SLC24A4: variants seen among roughly 807,000 people sequenced by gnomAD.
The protein encoded by SLC24A4 is sodium/potassium/calcium exchanger 4.
SLC24A4 carries 53 observed loss-of-function variants against 79.0 expected under a neutral mutation model. The ratio of observed to expected loss-of-function variants is 0.67; its 90% CI spans 0.54 to 0.84. SLC24A4 has a LOEUF of 0.84. Among genes scored for constraint, SLC24A4 ranks in the 40% least tolerant of loss-of-function variants. The pLI, the probability that SLC24A4 is intolerant of heterozygous loss-of-function variation, is 0.00. For missense variants in SLC24A4, 731 were observed against 822.0 expected (o/e 0.89, Z 1.35); for synonymous variants, 323 against 323.8 (o/e 1.00, Z 0.03).
Position 92,491,656 on chromosome 14 carries a change from C to A in SLC24A4, c.1538-9C>A. On this transcript the variant is annotated splice_polypyrimidine_tract_variant and intron_variant, in intron 14 of 16. Coordinates refer to ENST00000532405, the MANE Select transcript of SLC24A4 (RefSeq NM_153646.4). ...TCTTATAAAATAAATGTGTTGTTGT[C>A]CCCTGCAGGCCTTGGGGACATGGCA... 6.3e-7 allele frequency: 1 copy of A among 1,590,160 alleles called. No homozygotes were observed. The highest frequency in any genetic ancestry group is 8.6e-7 in the Non-Finnish European group (1 of 1,158,224).
chr14:92,378,053 A>G (rs1787567971), intron 2 of SLC24A4, among the ~76,000 whole-genome samples: 1 of 152,176 alleles, frequency 6.6e-6, no homozygotes, highest in South Asian at 2.1e-4. Flanking sequence ...TTCTGACCTC[A>G]GGAAATGGGT....
chr14:92,413,977 T>C (rs1890854772), intron 2 of SLC24A4, among the ~76,000 whole-genome samples: 2 of 152,056 alleles, frequency 1.3e-5, no homozygotes, highest in Admixed American at 1.3e-4. Flanking sequence ...CACCCAGTTT[T>C]GATAGAGAGT....
In SLC24A4 at chr14:92,490,867, C is replaced by G. The variant is rs1359292616; in HGVS notation, c.1538-798C>G. On this transcript the variant is annotated intron_variant, in intron 14 of 16. Transcript: ENST00000532405. This position sits in a 1 kb window ranked among gnomAD's most constrained non-coding sequence, Gnocchi z 4.3. Reference sequence around the variant, plus strand: ...AACGGAAGTGTATTGTCTTGTGGTTCCGGAGGCCAGAAGCCTGAAGGAGAG... The same window carrying G: ...AACGGAAGTGTATTGTCTTGTGGTTGCGGAGGCCAGAAGCCTGAAGGAGAG... 6.6e-6 allele frequency among the ~76,000 whole-genome samples: 1 copy of G among 152,234 alleles called. No homozygotes were observed. Among genetic ancestry groups the G allele is most frequent in the Non-Finnish European group, 1.5e-5 (1 of 68,052 alleles).
intron 2 of SLC24A4, among the ~76,000 whole-genome samples, chr14:92,351,236 G>GCGCGCGCACACACACACACACA (rs112120101): frequency 1.2e-3 from 174 of 147,066 alleles, no homozygotes; most frequent in Non-Finnish European, 1.8e-3. Flanking sequence ...ACACATACAC[G>GCGCGCGCACACACACACACACA]CACACACACA....
intron 2 of SLC24A4, among the ~76,000 whole-genome samples, chr14:92,432,767 T>A (rs1473741312): frequency 6.6e-6 from 1 of 152,136 alleles, no homozygotes; most frequent in Non-Finnish European, 1.5e-5. Context: ...GCCGAGAGAA[T>A]CAGATCTGAA....
At position 92,353,030 on chromosome 14, in the gene SLC24A4, T is replaced by C. The variant is rs1252260050; in HGVS notation, c.241+27052T>C. Among the ~76,000 whole-genome samples the C allele has an allele frequency of 6.6e-6, 1 of 152,174 alleles. No homozygotes were observed. ...TTGAATAGATAATGTTTTCATATGA[T>C]TCAAAATTCAAAAAGCACTGGAGAT... On this transcript the variant is annotated intron_variant, in intron 2 of 16. Transcript: ENST00000532405. The surrounding 1 kb of genome is among the most constrained non-coding windows in gnomAD (Gnocchi z 4.1).
intron 2 of SLC24A4, among the ~76,000 whole-genome samples, chr14:92,429,039 C>T (rs1033599435): frequency 7.9e-5 from 12 of 152,130 alleles, no homozygotes; most frequent in African/African-American, 1.9e-4. Context: ...CACTGGCAGT[C>T]GAGGTTATAG....
intron 12 of SLC24A4, among the ~76,000 whole-genome samples, chr14:92,468,927 T>G (rs1894275853): frequency 8.6e-6 from 1 of 116,100 alleles, no homozygotes; most frequent in Admixed American, 9.8e-5. Context: ...TGTGTGTGTG[T>G]GTGTGTGTCA....
Position 92,443,471 on chromosome 14 carries a change from C to A in SLC24A4, c.654C>A (p.Ile218=). ...VYYTISVIVL[I]VFIYDEQIVW... ...ACACCATCTCTGTCATCGTGCTCAT[C>A]GTGGTGAGTTGCCCCTCTGCCCCCA... The change falls in exon 7 of 17, where the codon ATC becomes ATA. Residue 218 remains isoleucine, a synonymous_variant. Transcript: ENST00000532405. The A allele has an allele frequency of 6.2e-7, 1 of 1,614,170 alleles. No homozygotes were observed. Among genetic ancestry groups the A allele is most frequent in the East Asian group, 2.2e-5 (1 of 44,868 alleles).
At position 92,424,079 on chromosome 14, in the gene SLC24A4, T is replaced by A. The variant is rs377690934; in HGVS notation, c.242-9833T>A. Among the ~76,000 whole-genome samples, 33 of 152,308 alleles carry A rather than the reference T, an allele frequency of 2.2e-4. No homozygotes were observed. The East Asian group carries it at 4.1e-3, about 19-fold the overall frequency. ...TCTGCCTTCGTCATCCCATGCCTTG[T>A]TCTCGGTATCTCTGTGTGTCTCCTC... On this transcript the variant is annotated intron_variant, in intron 2 of 16. Transcript: ENST00000532405.
intron 2 of SLC24A4, among the ~76,000 whole-genome samples, chr14:92,429,167 T>G (rs953927083): frequency 6.6e-6 from 1 of 152,028 alleles, no homozygotes; most frequent in African/African-American, 2.4e-5. Flanking sequence ...CAGGCTCCTA[T>G]AACAAACTAT....
intron 2 of SLC24A4, among the ~76,000 whole-genome samples, chr14:92,328,877 C>G (rs930245004): frequency 6.6e-6 from 1 of 152,218 alleles, no homozygotes; most frequent in African/African-American, 2.4e-5. Flanking sequence ...CAGAACTCTA[C>G]CTGGGAATCG....
Position 92,492,204 on chromosome 14 carries a change from T to C in SLC24A4, c.1680T>C (p.Tyr560=). 1 of 1,614,166 alleles carries C rather than the reference T, an allele frequency of 6.2e-7. No individual in the cohort carries two copies. The highest frequency in any genetic ancestry group is 8.5e-7 in the Non-Finnish European group (1 of 1,180,012). ...TVKINSRGLV[Y]SVVLLLGSVA... ...AGATCAACAGCCGGGGGCTGGTCTA[T>C]TCCGTGGTCCTGTTGCTGGGCTCTG... Residue 560 remains tyrosine, a synonymous_variant, in exon 16 of 17, where the codon TAT becomes TAC. Coordinates refer to ENST00000532405, the MANE Select transcript of SLC24A4 (RefSeq NM_153646.4).
intron 2 of SLC24A4, among the ~76,000 whole-genome samples, chr14:92,389,555 C>T (rs1889349195): frequency 6.6e-6 from 1 of 152,182 alleles, no homozygotes; most frequent in Non-Finnish European, 1.5e-5. Context: ...GAACCTCTCC[C>T]TGGGGCTTTG....
chr14:92,482,696 G>C lies in SLC24A4; in HGVS notation c.1272G>C (p.Lys424Asn), dbSNP rs773632036. The C allele has an allele frequency of 6.2e-7, 1 of 1,613,648 alleles. No individual in the cohort carries two copies. Among genetic ancestry groups the C allele is most frequent in the Non-Finnish European group, 8.5e-7 (1 of 1,179,730 alleles). The stretch of plus-strand genomic sequence containing the variant: ...ACCCTGCAGAGGCCAGAGGGGACAA[G>C]GTCAAGTGGGTGTTCACCTGGCCCC... Reference protein sequence around the residue: ...PFSVPEARGDKVKWVFTWPLI... With the variant: ...PFSVPEARGDNVKWVFTWPLI... The change falls in exon 13 of 17, where the codon AAG becomes AAC. Residue 424 changes from lysine (K) to asparagine (N), a missense_variant. Transcript: ENST00000532405.
At chr14:92,373,932 C>T (rs534062668) in intron 2 of SLC24A4, among the ~76,000 whole-genome samples, 5 of 152,172 alleles carry the variant, frequency 3.3e-5, no homozygotes, top group Non-Finnish European at 7.4e-5. Context: ...TCTACTCACC[C>T]CCTTCTCATA....
At chr14:92,480,653 A>T (rs1895016923) in intron 12 of SLC24A4, among the ~76,000 whole-genome samples, 1 of 152,184 alleles carries the variant, frequency 6.6e-6, no homozygotes, top group Non-Finnish European at 1.5e-5. Context: ...TTTTCACTAT[A>T]TCCCATAAGC....
rs1450437361 is a variant in SLC24A4, at chr14:92,499,930, C to T, written c.*6302C>T. ...TCTCCACTCACTGCAAGCTCCGCCT[C>T]CCGGGTTCATGCCATTCTCCTGCCT... On this transcript the variant is annotated 3_prime_UTR_variant, in exon 17 of 17. Transcript: ENST00000532405. 2 of 151,662 alleles carry T rather than the reference C, an allele frequency of 1.3e-5. No individual in the cohort carries two copies. Among genetic ancestry groups the T allele is most frequent in the Non-Finnish European group, 2.9e-5 (2 of 67,984 alleles). 9.4% of individuals were successfully genotyped at this position (151,662 alleles called of 1,614,324 possible). A position where few individuals can be genotyped will look rare whatever the true frequency, so the allele number is the denominator to read the frequency against.
At chr14:92,325,452 G>T (rs1459125999) in intron 1 of SLC24A4, among the ~76,000 whole-genome samples, 1 of 152,226 alleles carries the variant, frequency 6.6e-6, no homozygotes, top group Non-Finnish European at 1.5e-5. Context: ...AGTGTGAGGA[G>T]CACTGGGCCA....
Sources: allele counts gnomAD v4.1 joint callset (sites outside exome capture counted in the v4.1 genomes callset), GRCh38; gene constraint gnomAD v4.1.1; non-coding constraint Gnocchi (gnomAD v3.1); transcripts MANE v1.5; gene names NCBI Gene and HGNC (gene_info 2026-07-23, HGNC 2026-07-21).